SHROOM3: variants seen among roughly 807,000 people sequenced by gnomAD.
SHROOM3 encodes protein Shroom3.
In SHROOM3, 47 loss-of-function variants were observed where a neutral mutation model predicts 138.6. The ratio of observed to expected loss-of-function variants is 0.34; its 90% CI spans 0.27 to 0.43. The LOEUF is 0.43. Among genes scored for constraint, SHROOM3 ranks in the 20% least tolerant of loss-of-function variants. SHROOM3 has a pLI of 1.00. For synonymous variants in SHROOM3, 1,062 were observed against 1,063.3 expected (o/e 1.00, Z 0.02); for missense variants, 2,491 against 2,596.5 (o/e 0.96, Z 0.88).
At chr4:76,561,585 G>A (rs1457831476) in intron 2 of SHROOM3, among the ~76,000 whole-genome samples, 7 of 151,058 alleles carry the variant, frequency 4.6e-5, no homozygotes, top group African/African-American at 9.8e-5. Flanking sequence ...CTAGTTCTTC[G>A]AGGATGTAAG....
In SHROOM3 at chr4:76,435,455, C is replaced by G. The variant is rs1026632494; in HGVS notation, c.-598C>G. ...AAAAAAGAAGTAAAAAGTTTTAGCACAGCTTCTCTGTCTCTTCGGGACAAG... is the reference window on the plus strand; with the variant it reads ...AAAAAAGAAGTAAAAAGTTTTAGCAGAGCTTCTCTGTCTCTTCGGGACAAG... On this transcript the variant is annotated 5_prime_UTR_variant, in exon 1 of 11. Coordinates refer to ENST00000296043, the MANE Select transcript of SHROOM3 (RefSeq NM_020859.4). 1.3e-5 allele frequency: 2 copies of G among 152,152 alleles called. No individual in the cohort carries two copies. Among genetic ancestry groups the G allele is most frequent in the African/African-American group, 4.8e-5 (2 of 41,420 alleles). 9.4% of individuals were successfully genotyped at this position (152,152 alleles called of 1,614,324 possible).
intron 2 of SHROOM3, among the ~76,000 whole-genome samples, chr4:76,700,262 A>G (rs924340112): frequency 6.6e-6 from 1 of 152,220 alleles, no homozygotes; most frequent in Non-Finnish European, 1.5e-5. Flanking sequence ...CTGTTTCCTC[A>G]TGAATAAAGT....
chr4:76,741,914 A>C lies in SHROOM3; in HGVS notation c.3741A>C (p.Ala1247=). Reference sequence around the variant, plus strand: ...GGTCCAGGTCATCTCCCGCCACCGCAGACAAGCGCCAGGTACGTGCAACCA... The same window carrying C: ...GGTCCAGGTCATCTCCCGCCACCGCCGACAAGCGCCAGGTACGTGCAACCA... ...HVRSRSSPAT[A]DKRQDVLLGQ... The change falls in exon 5 of 11, where the codon GCA becomes GCC. Residue 1247 remains alanine, a synonymous_variant. Coordinates refer to ENST00000296043, the MANE Select transcript of SHROOM3 (RefSeq NM_020859.4). The surrounding 1 kb of genome is among the most constrained non-coding windows in gnomAD (Gnocchi z 6.2). 1 of 1,612,398 alleles carries C rather than the reference A, an allele frequency of 6.2e-7. No individual in the cohort carries two copies. The highest frequency in any genetic ancestry group is 8.5e-7 in the Non-Finnish European group (1 of 1,179,944).
At chr4:76,558,506 G>C (rs1027403737) in intron 2 of SHROOM3, among the ~76,000 whole-genome samples, 2 of 152,012 alleles carry the variant, frequency 1.3e-5, no homozygotes, top group Non-Finnish European at 2.9e-5. Flanking sequence ...TTATCTGGAG[G>C]CCCCCCCTTT....
chr4:76,737,633 GT>G (rs1383863518), intron 4 of SHROOM3, among the ~76,000 whole-genome samples: 10 of 150,028 alleles, frequency 6.7e-5, no homozygotes, highest in African/African-American at 2.4e-4. Context: ...TAATAGGTGT[GT>G]AGTGGTATCT....
chr4:76,756,058 C>G (rs929505968), intron 7 of SHROOM3, among the ~76,000 whole-genome samples: 3 of 152,180 alleles, frequency 2.0e-5, no homozygotes. Context: ...CCATCTTCCT[C>G]AGGAGATGAC....
At chr4:76,587,548 A>T (rs1437410635) in intron 2 of SHROOM3, among the ~76,000 whole-genome samples, 2 of 152,186 alleles carry the variant, frequency 1.3e-5, no homozygotes, top group African/African-American at 4.8e-5. Context: ...TGTGCTAATC[A>T]TCCTCAAGTG....
At chr4:76,660,443 A>G (rs1736158863) in intron 2 of SHROOM3, among the ~76,000 whole-genome samples, 2 of 152,116 alleles carry the variant, frequency 1.3e-5, no homozygotes, top group East Asian at 1.9e-4. Flanking sequence ...TAACTAGTCT[A>G]TCACATATTG....
At chr4:76,675,220 A>AT (rs1718998415) in intron 2 of SHROOM3, among the ~76,000 whole-genome samples, 1 of 152,084 alleles carries the variant, frequency 6.6e-6, no homozygotes, top group Non-Finnish European at 1.5e-5. Flanking sequence ...CCAGATGCGT[A>AT]TTAGCACCGG....
intron 2 of SHROOM3, among the ~76,000 whole-genome samples, chr4:76,613,584 C>T (rs1037970327): frequency 2.6e-5 from 4 of 152,318 alleles, no homozygotes; most frequent in Admixed American, 2.6e-4. Flanking sequence ...TGCAGTTCGG[C>T]ATGGAAATTG....
At chr4:76,480,695 A>G (rs1169686432) in intron 1 of SHROOM3, among the ~76,000 whole-genome samples, 1 of 152,210 alleles carries the variant, frequency 6.6e-6, no homozygotes, top group Non-Finnish European at 1.5e-5. Context: ...TTCTCGCACC[A>G]CATCACACTT....
intron 2 of SHROOM3, among the ~76,000 whole-genome samples, chr4:76,667,412 G>C (rs1560584950): frequency 6.6e-6 from 1 of 151,994 alleles, no homozygotes; most frequent in Non-Finnish European, 1.5e-5. Context: ...TCAATCTCCA[G>C]GGCTCAGGCG....
intron 1 of SHROOM3, among the ~76,000 whole-genome samples, chr4:76,439,869 CT>C: frequency 6.6e-6 from 1 of 152,242 alleles, no homozygotes; most frequent in East Asian, 1.9e-4. Flanking sequence ...GAATTGCTTT[CT>C]TTGGGATTTA....
Position 76,464,301 on chromosome 4 carries a change from G to A in SHROOM3, c.168+28081G>A, listed in dbSNP as rs184318290. On this transcript the variant is annotated intron_variant, in intron 1 of 10. Coordinates refer to ENST00000296043, the MANE Select transcript of SHROOM3 (RefSeq NM_020859.4). Reference sequence around the variant, plus strand: ...TTTAATGACTGCCCTGCTGGGTTTCGCACTTGCATGGGACCTGTAGCTTCT... The same window carrying A: ...TTTAATGACTGCCCTGCTGGGTTTCACACTTGCATGGGACCTGTAGCTTCT... Among the ~76,000 whole-genome samples the A allele has an allele frequency of 1.6e-3, 251 of 152,290 alleles. 1 individual carries two copies. The highest frequency in any genetic ancestry group is 5.3e-3 in the African/African-American group (220 of 41,550).
intron 2 of SHROOM3, among the ~76,000 whole-genome samples, chr4:76,661,396 A>AT (rs904097112): frequency 4.0e-5 from 6 of 151,764 alleles, no homozygotes; most frequent in Non-Finnish European, 5.9e-5. Context: ...CGCCTGGCTA[A>AT]TTTTTTTGTA....
intron 1 of SHROOM3, among the ~76,000 whole-genome samples, chr4:76,551,621 G>A (rs1401877473): frequency 2.0e-5 from 3 of 152,058 alleles, no homozygotes; most frequent in Admixed American, 2.0e-4. Context: ...GCTGGGGGAG[G>A]AAAGGATGGA....
rs546111364 is a variant in SHROOM3, at chr4:76,521,270, G to A, written c.169-34339G>A. ...TGGGGTTTCAAGAGATGTGAAGCCTGTGTGTATGTATATGTGTGTGTGTGC... is the reference window on the plus strand; with the variant it reads ...TGGGGTTTCAAGAGATGTGAAGCCTATGTGTATGTATATGTGTGTGTGTGC... On this transcript the variant is annotated intron_variant, in intron 1 of 10. Coordinates refer to ENST00000296043, the MANE Select transcript of SHROOM3 (RefSeq NM_020859.4). Among the ~76,000 whole-genome samples the A allele has an allele frequency of 4.6e-5, 5 of 108,052 alleles. No individual in the cohort carries two copies. The South Asian group carries it at 1.7e-3, about 37-fold the overall frequency. 70.9% of individuals were successfully genotyped at this position (108,052 alleles called of 152,430 possible).
At chr4:76,711,755 C>A (rs1302642926) in intron 3 of SHROOM3, among the ~76,000 whole-genome samples, 2 of 147,524 alleles carry the variant, frequency 1.4e-5, no homozygotes, top group Admixed American at 6.8e-5. Flanking sequence ...CAATAATACA[C>A]AAATATACAT....
At chr4:76,463,238 T>C (rs1335935896) in intron 1 of SHROOM3, among the ~76,000 whole-genome samples, 1 of 152,184 alleles carries the variant, frequency 6.6e-6, no homozygotes, top group African/African-American at 2.4e-5. Flanking sequence ...TTGTGATGCT[T>C]TAGCAAAGAG....
Sources: gnomAD v4.1 joint callset for allele counts (sites outside exome capture counted in the v4.1 genomes callset) on GRCh38, gnomAD v4.1.1 for gene constraint, Gnocchi (gnomAD v3.1) non-coding constraint, MANE v1.5 for transcripts, NCBI Gene and HGNC (gene_info 2026-07-23, HGNC 2026-07-21) for gene names.